The following SNX7 variants were observed in gnomAD, a reference collection of about 807,000 sequenced individuals.
The protein encoded by SNX7 is sorting nexin-7.
Under a neutral mutation model 48.4 loss-of-function variants are expected in SNX7, and 35 were observed. The observed-to-expected ratio is 0.72, with a 90% confidence interval of 0.55 to 0.96. The LOEUF is 0.96. Ranked by LOEUF, SNX7 falls within the 40% of genes least tolerant of loss-of-function variation. The pLI is 0.00. For missense variants in SNX7, 553 were observed against 548.9 expected, an observed-to-expected ratio of 1.01 and a Z score of -0.07; for synonymous variants, 190 against 190.2, an observed-to-expected ratio of 1.00 and a Z score of 0.01.
chr1:98,748,795 G>GC (rs996296347), intron 8 of SNX7, among the ~76,000 whole-genome samples: 2 of 152,014 alleles, frequency 1.3e-5, no homozygotes, highest in African/African-American at 4.8e-5. Context: ...TACCCAGTTT[G>GC]CTAAACTGCC....
At chr1:98,675,678 A>T (rs1346476687) in intron 1 of SNX7, among the ~76,000 whole-genome samples, 1 of 152,188 alleles carries the variant, frequency 6.6e-6, no homozygotes, top group Non-Finnish European at 1.5e-5. Flanking sequence ...TTTGCCCACC[A>T]AATTAAAATT....
At chr1:98,715,220 A>C (rs533802166) in intron 7 of SNX7, among the ~76,000 whole-genome samples, 1 of 152,274 alleles carries the variant, frequency 6.6e-6, no homozygotes, top group East Asian at 1.9e-4. Context: ...TTTCATGGCC[A>C]TTCTACATTT....
At chr1:98,738,463 A>C in intron 8 of SNX7, 74 bp downstream of exon 8, 1 of 1,429,338 alleles carries the variant, frequency 7.0e-7, no homozygotes. Context: ...CCAATGTTGA[A>C]AGAGTGTATT....
chr1:98,735,578 G>T (rs1457869820), intron 7 of SNX7, among the ~76,000 whole-genome samples: 1 of 152,042 alleles, frequency 6.6e-6, no homozygotes, highest in Admixed American at 6.6e-5. Context: ...TATTACCAGA[G>T]ACTAAAATAC....
rs547972431 is a variant in SNX7, at chr1:98,710,554, T to C, written c.1125+8651T>C. On this transcript the variant is annotated intron_variant, in intron 7 of 8. Transcript: ENST00000306121. Reference sequence around the variant, plus strand: ...GGGTTTTAAGAAATTCTACTTACGGTGTCCTTTGGATTTGTGGTGTGTTTT... The same window carrying C: ...GGGTTTTAAGAAATTCTACTTACGGCGTCCTTTGGATTTGTGGTGTGTTTT... Among the ~76,000 whole-genome samples the C allele has an allele frequency of 1.2e-3, 179 of 152,292 alleles. 1 individual carries two copies. Among genetic ancestry groups the C allele is most frequent in the African/African-American group, 4.2e-3 (174 of 41,584 alleles).
chr1:98,730,548 C>G (rs1653457076), intron 7 of SNX7, among the ~76,000 whole-genome samples: 1 of 152,060 alleles, frequency 6.6e-6, no homozygotes, highest in Non-Finnish European at 1.5e-5. Flanking sequence ...TAAACAACTT[C>G]AGCAAAGTCT....
intron 4 of SNX7, among the ~76,000 whole-genome samples, chr1:98,693,782 T>C (rs1651276312): frequency 6.6e-6 from 1 of 152,226 alleles, no homozygotes; most frequent in Admixed American, 6.5e-5. Context: ...GACAATGTGT[T>C]ATTTAATATT....
chr1:98,667,356 T>C (rs770210886), intron 1 of SNX7, among the ~76,000 whole-genome samples: 18 of 152,032 alleles, frequency 1.2e-4, no homozygotes, highest in Non-Finnish European at 2.5e-4. Flanking sequence ...GATATAAGCT[T>C]AGTGGTTAGG....
chr1:98,710,188 C>T (rs1652226725), intron 7 of SNX7, among the ~76,000 whole-genome samples: 3 of 152,032 alleles, frequency 2.0e-5, no homozygotes, highest in South Asian at 2.1e-4. Flanking sequence ...TGAAAAATAC[C>T]GTACTATTTT....
chr1:98,690,161 T>A (rs1651035177), intron 2 of SNX7, among the ~76,000 whole-genome samples: 1 of 152,172 alleles, frequency 6.6e-6, no homozygotes, highest in South Asian at 2.1e-4. Flanking sequence ...ATGCAATGTG[T>A]TATTCCATGT....
At chr1:98,674,445 A>T (rs9324395) in intron 1 of SNX7, among the ~76,000 whole-genome samples, 1 of 151,734 alleles carries the variant, frequency 6.6e-6, no homozygotes, top group African/African-American at 2.4e-5. Context: ...CACACATCCT[A>T]TTCCCTCCAT....
chr1:98,713,997 G>T (rs966574332), intron 7 of SNX7, among the ~76,000 whole-genome samples: 1 of 152,186 alleles, frequency 6.6e-6, no homozygotes, highest in Admixed American at 6.5e-5. Flanking sequence ...CTTACTCAGT[G>T]CAGGGTTGTC....
chr1:98,711,083 C>G (rs1371014212), intron 7 of SNX7, among the ~76,000 whole-genome samples: 3 of 152,174 alleles, frequency 2.0e-5, no homozygotes. Flanking sequence ...ATGGCACGAT[C>G]TTGGCTCACT....
chr1:98,684,955 A>C lies in SNX7; in HGVS notation c.251A>C (p.Gln84Pro). The C allele has an allele frequency of 6.3e-7, 1 of 1,599,926 alleles. No homozygotes were observed. The highest frequency in any genetic ancestry group is 8.5e-7 in the Non-Finnish European group (1 of 1,172,118). The change falls in exon 2 of 9, where the codon CAA becomes CCA. Residue 84 changes from glutamine (Q) to proline (P), a missense_variant. Physicochemically the swap from Gln to Pro is moderately conservative, Grantham distance 76. Transcript: ENST00000306121. ...MPTSPLSMIN[Q>P]IKFEDEPDLK... ...ACATCCCCTTTATCAATGATAAACC[A>C]AATCAAGTTTGAGGATGAACCAGAT... is the stretch of plus-strand genomic sequence containing the variant.
intron 1 of SNX7, among the ~76,000 whole-genome samples, 176 bp from the exon 2 acceptor site, chr1:98,684,709 T>C (rs1650690241): frequency 6.6e-6 from 1 of 152,212 alleles, no homozygotes. Context: ...CTGTCATCTT[T>C]TGGGTGGGAT....
At chr1:98,672,780 C>T (rs954019346) in intron 1 of SNX7, among the ~76,000 whole-genome samples, 3 of 150,094 alleles carry the variant, frequency 2.0e-5, no homozygotes, top group African/African-American at 4.9e-5. Flanking sequence ...AAAAATTAGC[C>T]GGGCGCGGTG....
At position 98,738,390 on chromosome 1, in the gene SNX7, G is replaced by A; in HGVS notation, c.1278+1G>A. On this transcript the variant is annotated splice_donor_variant, in intron 8 of 8. Transcript: ENST00000306121. LOFTEE classifies it high-confidence loss of function. ...GGAGAATATCCATTATTATGAACAG[G>A]TAATTAGTGTTGTTTGATATTGCTT... 1 of 1,611,806 alleles carries A rather than the reference G, an allele frequency of 6.2e-7. No homozygotes were observed. The highest frequency in any genetic ancestry group is 8.5e-7 in the Non-Finnish European group (1 of 1,178,756).
At chr1:98,751,617 T>C (rs1654585729) in intron 8 of SNX7, among the ~76,000 whole-genome samples, 1 of 152,038 alleles carries the variant, frequency 6.6e-6, no homozygotes, top group Admixed American at 6.6e-5. Context: ...TGTGATAAGC[T>C]TTTTTTCTGG....
intron 7 of SNX7, among the ~76,000 whole-genome samples, chr1:98,712,389 TGGAAG>T (rs2100992329): frequency 6.6e-6 from 1 of 152,334 alleles, no homozygotes; most frequent in African/African-American, 2.4e-5. Flanking sequence ...TCATGGACTA[TGGAAG>T]TTACATTAGC....
Sources: gnomAD v4.1 joint callset for allele counts (sites outside exome capture counted in the v4.1 genomes callset) on GRCh38, gnomAD v4.1.1 for gene constraint, MANE v1.5 for transcripts, NCBI Gene and HGNC (gene_info 2026-07-23, HGNC 2026-07-21) for gene names.